The following KMT2B variants were observed in gnomAD, a reference collection of about 807,000 sequenced individuals.
The protein encoded by KMT2B is lysine methyltransferase 2B.
A neutral mutation model predicts 255.3 loss-of-function variants in KMT2B; 22 were observed. The ratio of observed to expected loss-of-function variants is 0.09; its 90% CI spans 0.06 to 0.12. The LOEUF (loss-of-function observed/expected upper bound fraction) is 0.12. Ranked by LOEUF, KMT2B falls within the 10% of genes least tolerant of loss-of-function variation. KMT2B has a pLI of 1.00. For missense variants in KMT2B, 3,149 were observed against 3,737.0 expected (o/e 0.84, Z 4.10); for synonymous variants, 1,730 against 1,498.1 (o/e 1.15, Z -3.57).
In KMT2B at chr19:35,727,616, C is replaced by T. The variant is rs1875274796; in HGVS notation, c.4296C>T (p.Cys1432=). ...SSKVVGPLLL[C]TQCGPDGKQL... The stretch of plus-strand genomic sequence containing the variant: ...AGGTGGTGGGCCCACTGCTGCTCTG[C>T]ACCCAGGTCTGGAGGGCCCTGGAGG... The change falls in exon 16 of 37, where the codon TGC becomes TGT. Residue 1432 remains cysteine, a synonymous_variant. Transcript: ENST00000420124. This position sits in a 1 kb window ranked among gnomAD's most constrained non-coding sequence, Gnocchi z 4.2. 4.4e-6 allele frequency: 7 copies of T among 1,608,866 alleles called. No homozygotes were observed. Among genetic ancestry groups the T allele is most frequent in the Non-Finnish European group, 5.9e-6 (7 of 1,177,978 alleles).
chr19:35,730,640 G>T, intron 25 of KMT2B, 24 bp downstream of exon 25: 3 of 1,613,934 alleles, frequency 1.9e-6, no homozygotes, highest in Non-Finnish European at 1.7e-6. Context: ...GTGATCCATG[G>T]GGCCAGGGGA....
In KMT2B at chr19:35,724,628, C is replaced by G. The variant is rs956762507; in HGVS notation, c.3335-9C>G. 6.3e-7 allele frequency: 1 copy of G among 1,584,700 alleles called. No homozygotes were observed. Among genetic ancestry groups the G allele is most frequent in the Non-Finnish European group, 8.6e-7 (1 of 1,165,750 alleles). On this transcript the variant is annotated splice_polypyrimidine_tract_variant and intron_variant, in intron 8 of 36. Transcript: ENST00000420124. The stretch of plus-strand genomic sequence containing the variant: ...GGAGTGACCTCACTGCTCATTGTGT[C>G]CTGCCTAGAGCTGCCACTGCCAGAA...
intron 8 of KMT2B, 83 bp from the exon 9 acceptor site, chr19:35,724,554 G>A: frequency 1.7e-6 from 2 of 1,194,756 alleles, no homozygotes; most frequent in East Asian, 5.1e-5. Context: ...AGAAGGCCCT[G>A]GGAATCCAGG....
Position 35,731,916 on chromosome 19 carries a change from G to C in KMT2B, c.5446G>C (p.Gly1816Arg), listed in dbSNP as rs779004577. The C allele has an allele frequency of 5.6e-6, 9 of 1,613,150 alleles. No individual in the cohort carries two copies. Among genetic ancestry groups the C allele is most frequent in the Middle Eastern group, 1.6e-4 (1 of 6,078 alleles). The change falls in exon 27 of 37, where the codon GGT becomes CGT. Residue 1816 changes from glycine to arginine, a missense_variant. Physicochemically the swap from Gly to Arg is moderately radical, Grantham distance 125 (BLOSUM62 -2). Around this residue, in one of 18 missense-constraint regions of KMT2B, gnomAD observed 897 missense variants for 825.3 expected, o/e 1.09. Transcript: ENST00000420124. ...ATTTCTCGCCTCTTCAGAGCCCCCA[G>C]GTGGTGAGGACCCCCCACTGGACAC... is the stretch of plus-strand genomic sequence containing the variant. ...HSPAPSSEPPGGEDPPLDTDV... is the reference protein window; with the variant it reads ...HSPAPSSEPPRGEDPPLDTDV...
intron 24 of KMT2B, 21 bp downstream of exon 24, chr19:35,730,483 C>T: frequency 6.2e-7 from 1 of 1,614,010 alleles, no homozygotes; most frequent in Non-Finnish European, 8.5e-7. Context: ...TGCTCTCCGC[C>T]CTGTCCTCCT....
At chr19:35,736,462 G>C (rs968769366) in intron 30 of KMT2B, 13 of 563,710 alleles carry the variant, frequency 2.3e-5, no homozygotes, top group Non-Finnish European at 3.8e-5. Flanking sequence ...GAATGCTTTT[G>C]TACCCAAGAA....
rs1215532575 is a variant in KMT2B, at chr19:35,721,597, C to G, written c.2250C>G (p.Pro750=). The G allele has an allele frequency of 6.2e-7, 1 of 1,611,828 alleles. No homozygotes were observed. Among genetic ancestry groups the G allele is most frequent in the African/African-American group, 1.3e-5 (1 of 74,926 alleles). The change falls in exon 3 of 37, where the codon CCC becomes CCG. Residue 750 remains proline, a synonymous_variant. Coordinates refer to ENST00000420124, the MANE Select transcript of KMT2B (RefSeq NM_014727.3). ...AGGCCTTGCAAACCCAGCTCCTGCC[C>G]CAGGCACTACCGCCACCACAGCCAC... ...PLQALQTQLL[P]QALPPPQPQL...
chr19:35,723,643 A>G lies in KMT2B; in HGVS notation c.3059-89A>G. ...GTGTGCTTTCATAGCTCCTGCGTTCATTCCCTGCCCCGCTTCTTTCTGGCT... is the reference window on the plus strand; with the variant it reads ...GTGTGCTTTCATAGCTCCTGCGTTCGTTCCCTGCCCCGCTTCTTTCTGGCT... On this transcript the variant is annotated intron_variant, in intron 7 of 36. Coordinates refer to ENST00000420124, the MANE Select transcript of KMT2B (RefSeq NM_014727.3). This position sits in a 1 kb window ranked among gnomAD's most constrained non-coding sequence, Gnocchi z 7.5. 1.5e-6 allele frequency: 2 copies of G among 1,337,766 alleles called. No individual in the cohort carries two copies. Among genetic ancestry groups the G allele is most frequent in the Non-Finnish European group, 2.0e-6 (2 of 984,644 alleles). The allele number at this position is 1,337,766 out of a possible 1,614,324, so 82.9% of individuals were successfully genotyped here. A position where few individuals can be genotyped will look rare whatever the true frequency, so the allele number is the denominator to read the frequency against.
Position 35,718,741 on chromosome 19 carries a change from G to T in KMT2B, c.363+360G>T, listed in dbSNP as rs918128285. 1.3e-5 allele frequency among the ~76,000 whole-genome samples: 2 copies of T among 152,180 alleles called. No individual in the cohort carries two copies. Among genetic ancestry groups the T allele is most frequent in the African/African-American group, 4.8e-5 (2 of 41,438 alleles). The stretch of plus-strand genomic sequence containing the variant: ...AGCGGCAGCGTGGCCTTGGCAGACA[G>T]GTTGGAGCTGTCTGGGCTCTTACCT... On this transcript the variant is annotated intron_variant, in intron 1 of 36. Transcript: ENST00000420124. The surrounding 1 kb of genome is among the most constrained non-coding windows in gnomAD (Gnocchi z 5.0).
At position 35,732,038 on chromosome 19, in the gene KMT2B, C is replaced by T. The variant is rs773935150; in HGVS notation, c.5568C>T (p.Ala1856=). The change falls in exon 27 of 37, where the codon GCC becomes GCT. Residue 1856 remains alanine, a synonymous_variant. Transcript: ENST00000420124. Reference sequence around the variant, plus strand: ...ATTCAGGCAGCGCCCCTCCTCCAGCCCCCCGTTCTTTTTCGGGGGCTCGAA... The same window carrying T: ...ATTCAGGCAGCGCCCCTCCTCCAGCTCCCCGTTCTTTTTCGGGGGCTCGAA... ...RPDSGSAPPP[A]PRSFSGARIK... 1.6e-5 allele frequency: 26 copies of T among 1,612,966 alleles called. No individual in the cohort carries two copies. In the East Asian group the frequency reaches 4.9e-4, roughly 30 times the overall value.
In KMT2B at chr19:35,725,729, C is replaced by A. The variant is rs771913943; in HGVS notation, c.3796C>A (p.Leu1266Met). The change falls in exon 13 of 37, where the codon CTG (leucine) becomes ATG (methionine). Residue 1266 changes from leucine to methionine, a missense_variant. Coordinates refer to ENST00000420124, the MANE Select transcript of KMT2B (RefSeq NM_014727.3). The surrounding 1 kb of genome is among the most constrained non-coding windows in gnomAD (Gnocchi z 4.1). ...CTGTCTCCACATCCAACAGCACCTCCTGGAGTGCGAGCGCTGCCGCCATGC... is the reference window on the plus strand; with the variant it reads ...CTGTCTCCACATCCAACAGCACCTCATGGAGTGCGAGCGCTGCCGCCATGC... ...GRKGRGSKHL[L>M]ECERCRHAYH... 1 of 1,610,594 alleles carries A rather than the reference C, an allele frequency of 6.2e-7. No homozygotes were observed. Among genetic ancestry groups the A allele is most frequent in the Admixed American group, 1.7e-5 (1 of 59,228 alleles).
intron 30 of KMT2B, chr19:35,735,296 C>G (rs1969873702): frequency 6.6e-6 from 1 of 152,320 alleles, no homozygotes; most frequent in Non-Finnish European, 1.5e-5. Flanking sequence ...TTTGCCTCTC[C>G]TAAAGCCTGT....
rs370662669 is a variant in KMT2B at position 35,724,922 on chromosome 19, G to A, written c.3430-67G>A. 131 of 1,236,046 alleles carry A rather than the reference G, an allele frequency of 1.1e-4. 1 individual carries two copies. The African/African-American group carries it at 1.1e-3, about 10-fold the overall frequency. 76.6% of individuals were successfully genotyped at this position (1,236,046 alleles called of 1,614,324 possible). Reference sequence around the variant, plus strand: ...GGGTCCAGTAGGCTGGGGGAAAGGCGGTGAGGAGAGGAGTCTGCATCACGG... The same window carrying A: ...GGGTCCAGTAGGCTGGGGGAAAGGCAGTGAGGAGAGGAGTCTGCATCACGG... On this transcript the variant is annotated intron_variant, in intron 9 of 36. Coordinates refer to ENST00000420124, the MANE Select transcript of KMT2B (RefSeq NM_014727.3).
In KMT2B at chr19:35,736,804, G is replaced by C. The variant is rs760747317; in HGVS notation, c.7274G>C (p.Ser2425Thr). Residue 2425 changes from serine (S) to threonine (T), a missense_variant, in exon 31 of 37, where the codon AGC becomes ACC. By Grantham distance (58) the Ser-to-Thr change is moderately conservative (BLOSUM62 1). This residue lies in a region of KMT2B where 103 missense variants were observed against 200.7 expected (regional missense o/e 0.51). Transcript: ENST00000420124. The part of the protein sequence containing the change: ...RFEISSEDGF[S>T]VEAESLEGAW... Reference sequence around the variant, plus strand: ...GAGATCAGCAGTGAGGATGGGTTCAGCGTTGAGGCAGAGAGCTTGGAGGGT... The same window carrying C: ...GAGATCAGCAGTGAGGATGGGTTCACCGTTGAGGCAGAGAGCTTGGAGGGT... 1 of 1,614,030 alleles carries C rather than the reference G, an allele frequency of 6.2e-7. No homozygotes were observed.
rs1426991876 is a variant in KMT2B at position 35,725,160 on chromosome 19, C to A, written c.3529-60C>A. On this transcript the variant is annotated intron_variant, in intron 10 of 36. Coordinates refer to ENST00000420124, the MANE Select transcript of KMT2B (RefSeq NM_014727.3). This position sits in a 1 kb window ranked among gnomAD's most constrained non-coding sequence, Gnocchi z 4.1. The stretch of plus-strand genomic sequence containing the variant: ...CTCGATGACTGTGTCATCGAGAAGC[C>A]AGGTGGGTCTGCCTTGTATGCCTGG... The A allele has an allele frequency of 3.2e-6, 5 of 1,576,820 alleles. No homozygotes were observed. Among genetic ancestry groups the A allele is most frequent in the Non-Finnish European group, 4.4e-6 (5 of 1,146,864 alleles).
rs746794862 is a variant in KMT2B at position 35,730,794 on chromosome 19, G to A, written c.5364G>A (p.Pro1788=). 47 of 1,613,622 alleles carry A rather than the reference G, an allele frequency of 2.9e-5. No homozygotes were observed. Among genetic ancestry groups the A allele is most frequent in the Non-Finnish European group, 3.3e-5 (39 of 1,179,844 alleles). Residue 1788 remains proline, a synonymous_variant, in exon 26 of 37, where the codon CCG becomes CCA. Transcript: ENST00000420124. ...TTCTGGAGTATCGGCCATGGGGGCCGAGGGAAGAGCCAGCTCACCTGGAGG... is the reference window on the plus strand; with the variant it reads ...TTCTGGAGTATCGGCCATGGGGGCCAAGGGAAGAGCCAGCTCACCTGGAGG... ...CRILEYRPWG[P]REEPAHLEAA...
rs754973562 is a variant in KMT2B, at chr19:35,721,639, G to T, written c.2292G>T (p.Pro764=). The T allele has an allele frequency of 5.6e-6, 9 of 1,613,396 alleles. No homozygotes were observed. The highest frequency in any genetic ancestry group is 7.6e-6 in the Non-Finnish European group (9 of 1,179,702). ...PPPQPQLQPP[P]SPQQMPPLEK... Reference sequence around the variant, plus strand: ...CACAGCCACAGCTGCAGCCACCGCCGTCACCACAGCAGATGCCTCCCCTGG... The same window carrying T: ...CACAGCCACAGCTGCAGCCACCGCCTTCACCACAGCAGATGCCTCCCCTGG... Residue 764 remains proline (P), a synonymous_variant, in exon 3 of 37, where the codon CCG becomes CCT. Transcript: ENST00000420124.
At position 35,723,491 on chromosome 19, in the gene KMT2B, T is replaced by G; in HGVS notation, c.3047T>G (p.Leu1016Arg). The G allele has an allele frequency of 6.4e-7, 1 of 1,571,230 alleles. No individual in the cohort carries two copies. Among genetic ancestry groups the G allele is most frequent in the Non-Finnish European group, 8.6e-7 (1 of 1,159,088 alleles). ...ATAGAGGCTCGGAAGATGGAACGAC[T>G]GGCTAAAAAAGGTGACGAGCTTTAA... is the stretch of plus-strand genomic sequence containing the variant. Reference protein sequence around the residue: ...DKIEARKMERLAKKGRTIVKT... With the variant: ...DKIEARKMERRAKKGRTIVKT... Residue 1016 changes from leucine to arginine, a missense_variant, in exon 7 of 37, where the codon CTG becomes CGG. Leu to Arg is a moderately radical substitution (Grantham distance 102, BLOSUM62 -2). Coordinates refer to ENST00000420124, the MANE Select transcript of KMT2B (RefSeq NM_014727.3). This position sits in a 1 kb window ranked among gnomAD's most constrained non-coding sequence, Gnocchi z 7.5.
At position 35,737,682 on chromosome 19, in the gene KMT2B, G is replaced by C. The variant is rs903212153; in HGVS notation, c.7597G>C (p.Val2533Leu). The change falls in exon 34 of 37, where the codon GTG becomes CTG. Residue 2533 changes from valine to leucine, a missense_variant. Coordinates refer to ENST00000420124, the MANE Select transcript of KMT2B (RefSeq NM_014727.3). The surrounding 1 kb of genome is among the most constrained non-coding windows in gnomAD (Gnocchi z 5.3). ...MFNFLASQHR[V>L]LPEGATCDEE... ...CAACTTCCTGGCCTCCCAGCACCGG[G>C]TGCTCCCTGAGGGGGCCACCTGTGA... is the stretch of plus-strand genomic sequence containing the variant. 6.3e-7 allele frequency: 1 copy of C among 1,580,256 alleles called. No homozygotes were observed. Among genetic ancestry groups the C allele is most frequent in the Admixed American group, 1.8e-5 (1 of 54,886 alleles).
Sources: allele counts gnomAD v4.1 joint callset (sites outside exome capture counted in the v4.1 genomes callset), GRCh38; gene constraint gnomAD v4.1.1; regional missense constraint gnomAD v4.1.1; non-coding constraint Gnocchi (gnomAD v3.1); transcripts MANE v1.5; gene names NCBI Gene and HGNC (gene_info 2026-07-23, HGNC 2026-07-21).